Variants in OSBPL1A observed in about 807,000 individuals in gnomAD.
OSBPL1A encodes oxysterol-binding protein-related protein 1.
OSBPL1A carries 80 observed loss-of-function variants against 137.1 expected under a neutral mutation model. That is an observed-to-expected ratio of 0.58 (90% confidence interval 0.49 to 0.70). The LOEUF is 0.70. OSBPL1A is among the 30% of genes least tolerant of loss of function. OSBPL1A has a pLI of 0.00. For missense variants in OSBPL1A, 970 were observed against 1,129.4 expected, an observed-to-expected ratio of 0.86 and a Z score of 2.02; for synonymous variants, 365 against 389.7, an observed-to-expected ratio of 0.94 and a Z score of 0.75.
At chr18:24,165,306 A>T in intron 26 of OSBPL1A, 151 bp from the exon 27 acceptor site, 1 of 695,472 alleles carries the variant, frequency 1.4e-6, no homozygotes, top group Non-Finnish European at 2.4e-6. Context: ...ATCAAGCAAA[A>T]ATTTTAACAG....
At chr18:24,384,411 T>C (rs1906801250) in intron 1 of OSBPL1A, among the ~76,000 whole-genome samples, 1 of 151,992 alleles carries the variant, frequency 6.6e-6, no homozygotes, top group South Asian at 2.1e-4. Context: ...CTGTCTCTAC[T>C]AAAAATACAA....
chr18:24,362,337 C>A (rs950775867), intron 4 of OSBPL1A, among the ~76,000 whole-genome samples: 2 of 152,102 alleles, frequency 1.3e-5, no homozygotes, highest in African/African-American at 4.8e-5. Context: ...TAGAAATTAA[C>A]CACAACCTTT....
chr18:24,184,357 C>T (rs1368614504), intron 18 of OSBPL1A, among the ~76,000 whole-genome samples: 1 of 151,860 alleles, frequency 6.6e-6, no homozygotes, highest in African/African-American at 2.4e-5. Flanking sequence ...CATGTTTATG[C>T]TTTCATTAAA....
rs2090498085 is a variant in OSBPL1A at position 24,306,225 on chromosome 18, G to A, written c.1093-2507C>T. Among the ~76,000 whole-genome samples the A allele has an allele frequency of 3.3e-5, 5 of 152,276 alleles. No individual in the cohort carries two copies. The South Asian group carries it at 1.0e-3, about 32-fold the overall frequency. On this transcript the variant is annotated intron_variant, in intron 13 of 27. Coordinates refer to ENST00000319481, the MANE Select transcript of OSBPL1A (RefSeq NM_080597.4). ...CAGAAGTTACCCCAGGTGAGCAGCT[G>A]AGCCACATTTACAACACAGGTCTCC... is the stretch of plus-strand genomic sequence containing the variant.
At chr18:24,205,313 G>A (rs1349200634) in intron 17 of OSBPL1A, among the ~76,000 whole-genome samples, 4 of 152,266 alleles carry the variant, frequency 2.6e-5, no homozygotes, top group South Asian at 4.2e-4. Context: ...TCATATGGCC[G>A]TGGTGGAGTT....
At chr18:24,184,053 CTA>C (rs1042049189) in intron 18 of OSBPL1A, among the ~76,000 whole-genome samples, 19 of 152,118 alleles carry the variant, frequency 1.2e-4, no homozygotes, top group Admixed American at 1.2e-3. Context: ...ATTGGTAATG[CTA>C]TATGTGTGCT....
At chr18:24,171,967 G>T (rs866126030) in intron 22 of OSBPL1A, among the ~76,000 whole-genome samples, 5 of 147,846 alleles carry the variant, frequency 3.4e-5, no homozygotes, top group Non-Finnish European at 7.4e-5. Context: ...TTGAGATGGA[G>T]TCTTGCTCTG....
chr18:24,271,253 C>T lies in OSBPL1A; in HGVS notation c.1281+9589G>A, dbSNP rs2089710742. 6.6e-6 allele frequency among the ~76,000 whole-genome samples: 1 copy of T among 152,194 alleles called. No homozygotes were observed. Among genetic ancestry groups the T allele is most frequent in the Admixed American group, 6.5e-5 (1 of 15,274 alleles). On this transcript the variant is annotated intron_variant, in intron 15 of 27. Transcript: ENST00000319481. This position sits in a 1 kb window ranked among gnomAD's most constrained non-coding sequence, Gnocchi z 4.0. ...GCACAGCCATGCGAAAAATCACTAA[C>T]TTGGAAGGTTATTTAGGACAATAAT...
At chr18:24,174,897 C>T (rs558054342) in intron 21 of OSBPL1A, among the ~76,000 whole-genome samples, 20 of 151,494 alleles carry the variant, frequency 1.3e-4, no homozygotes, top group African/African-American at 4.9e-4. Flanking sequence ...CTTAGCTTCC[C>T]TAGTAGCTAT....
chr18:24,168,018 C>A (rs1001713191), intron 24 of OSBPL1A, among the ~76,000 whole-genome samples: 2 of 152,180 alleles, frequency 1.3e-5, no homozygotes, highest in African/African-American at 4.8e-5. Context: ...ACATTTAAGT[C>A]ATTATCATCA....
intron 1 of OSBPL1A, among the ~76,000 whole-genome samples, chr18:24,386,000 G>A (rs944644198): frequency 4.6e-5 from 7 of 152,170 alleles, no homozygotes; most frequent in Admixed American, 1.3e-4. Flanking sequence ...CTGGCGGGCA[G>A]GAAAGACGGC....
intron 1 of OSBPL1A, among the ~76,000 whole-genome samples, chr18:24,383,745 T>C (rs1335360347): frequency 1.3e-5 from 2 of 152,190 alleles, no homozygotes; most frequent in Admixed American, 1.3e-4. Flanking sequence ...AGGGCAAGAC[T>C]CCGTCTCAAA....
chr18:24,236,051 T>C (rs1467210909), intron 16 of OSBPL1A, among the ~76,000 whole-genome samples: 3 of 152,134 alleles, frequency 2.0e-5, no homozygotes, highest in African/African-American at 7.2e-5. Flanking sequence ...AAGGCAACAG[T>C]CTCTTCTAGA....
At chr18:24,381,095 A>G (rs1173802736) in intron 1 of OSBPL1A, among the ~76,000 whole-genome samples, 2 of 152,254 alleles carry the variant, frequency 1.3e-5, no homozygotes, top group Non-Finnish European at 2.9e-5. Context: ...GACTTTATTC[A>G]GGACCCCCGT....
intron 21 of OSBPL1A, among the ~76,000 whole-genome samples, chr18:24,176,748 C>T (rs1465022611): frequency 3.3e-5 from 5 of 152,210 alleles, no homozygotes; most frequent in Non-Finnish European, 5.9e-5. Flanking sequence ...AGATCCACCC[C>T]TCAATAGCCA....
At chr18:24,358,388 A>C in intron 4 of OSBPL1A, 1 of 684,798 alleles carries the variant, frequency 1.5e-6, no homozygotes, top group East Asian at 2.7e-5. Flanking sequence ...TTGAGCCGGC[A>C]GCACTACTTG....
chr18:24,382,255 AAT>A lies in OSBPL1A; in HGVS notation c.-2-4722_-2-4721del, dbSNP rs1295918849. On this transcript the variant is annotated intron_variant, in intron 1 of 27. Coordinates refer to ENST00000319481, the MANE Select transcript of OSBPL1A (RefSeq NM_080597.4). ...CTACTAAAAAAAAAAAAAAAAAAAA[AAT>A]TTAGCCAGGCGTGGTGGCAGGCGCC... Among the ~76,000 whole-genome samples the A allele has an allele frequency of 4.8e-5, 6 of 124,160 alleles. 1 individual carries two copies. In the South Asian group the frequency reaches 1.7e-3, roughly 35 times the overall value. The allele number at this position is 124,160 out of a possible 152,430, so 81.5% of individuals were successfully genotyped here.
chr18:24,182,757 C>T (rs1690164484), intron 18 of OSBPL1A, among the ~76,000 whole-genome samples: 1 of 152,136 alleles, frequency 6.6e-6, no homozygotes, highest in South Asian at 2.1e-4. Context: ...GGCTCAACTA[C>T]ATACACTCTA....
chr18:24,394,722 C>T (rs772949161), intron 1 of OSBPL1A, among the ~76,000 whole-genome samples: 76 of 152,266 alleles, frequency 5.0e-4, no homozygotes, highest in Non-Finnish European at 8.4e-4. Context: ...ACCATTTATG[C>T]ATCACAGAAA....
Sources: allele counts gnomAD v4.1 joint callset (sites outside exome capture counted in the v4.1 genomes callset), GRCh38; gene constraint gnomAD v4.1.1; non-coding constraint Gnocchi (gnomAD v3.1); transcripts MANE v1.5; gene names NCBI Gene and HGNC (gene_info 2026-07-23, HGNC 2026-07-21).